The following BCL6B variants were observed in gnomAD, a reference collection of about 807,000 sequenced individuals.
The protein encoded by BCL6B is B-cell CLL/lymphoma 6 member B protein.
BCL6B carries 28 observed loss-of-function variants against 44.6 expected under a neutral mutation model. The observed-to-expected ratio is 0.63, with a 90% CI of 0.47 to 0.86. The LOEUF is 0.86. Ranked by LOEUF, BCL6B falls within the 40% of genes least tolerant of loss-of-function variation. The pLI is 0.00. For missense variants in BCL6B, 626 were observed against 652.3 expected (o/e 0.96, Z 0.44); for synonymous variants, 268 against 263.6 (o/e 1.02, Z -0.16).
rs529487939 is a variant in BCL6B, at chr17:7,023,841, T to G, written c.170T>G (p.Ile57Ser). 3 of 1,201,506 alleles carry G rather than the reference T, an allele frequency of 2.5e-6. No homozygotes were observed. Among genetic ancestry groups the G allele is most frequent in the Admixed American group, 1.9e-5 (1 of 52,660 alleles). 74.4% of individuals were successfully genotyped at this position (1,201,506 alleles called of 1,614,324 possible). The part of the protein sequence containing the change: ...QPLRAHKAVL[I>S]ACSGFFYSIF... ...CTCAGAGCACACAAGGCAGTTCTCA[T>G]CGCCTGCAGGTTCGAGGGGTGGGGC... is the stretch of plus-strand genomic sequence containing the variant. The change falls in exon 2 of 9, where the codon ATC (isoleucine) becomes AGC (serine). Residue 57 changes from isoleucine (I) to serine (S), a missense_variant. Ile to Ser is a moderately radical substitution (Grantham distance 142). Coordinates refer to ENST00000293805, the MANE Select transcript of BCL6B (RefSeq NM_181844.4).
chr17:7,023,261 C>G, intron 1 of BCL6B, 162 bp downstream of exon 1: 1 of 195,046 alleles, frequency 5.1e-6, no homozygotes, highest in Non-Finnish European at 1.1e-5. Flanking sequence ...GGGAAGGGAG[C>G]CTCGGCTGGG....
At position 7,024,242 on chromosome 17, in the gene BCL6B, G is replaced by A; in HGVS notation, c.339G>A (p.Ala113=). ...LSPATAPAVL[A]AATYLQMEHV... ...CAGCCACTGCACCAGCAGTCCTAGC[G>A]GCCGCCACCTATTTGCAGATGGAGC... is the stretch of plus-strand genomic sequence containing the variant. The change falls in exon 3 of 9, where the codon GCG becomes GCA. Residue 113 remains alanine (A), a synonymous_variant. Transcript: ENST00000293805. This position sits in a 1 kb window ranked among gnomAD's most constrained non-coding sequence, Gnocchi z 6.6. 1.2e-6 allele frequency: 2 copies of A among 1,613,734 alleles called. No homozygotes were observed. Among genetic ancestry groups the A allele is most frequent in the Non-Finnish European group, 8.5e-7 (1 of 1,180,022 alleles).
Position 7,027,591 on chromosome 17 carries a change from T to G in BCL6B, c.1412T>G (p.Val471Gly). Reference protein sequence around the residue: ...QKHGAATNTKVHYHILGGP With the variant: ...QKHGAATNTKGHYHILGGP ...CACGGAGCTGCTACCAACACCAAAGTGCACTACCACATTCTCGGGGGGCCC... is the reference window on the plus strand; with the variant it reads ...CACGGAGCTGCTACCAACACCAAAGGGCACTACCACATTCTCGGGGGGCCC... Residue 471 changes from valine to glycine, a missense_variant, in exon 9 of 9, where the codon GTG becomes GGG. Physicochemically the swap from Val to Gly is moderately radical, Grantham distance 109 (BLOSUM62 -3). Transcript: ENST00000293805. 5 of 1,613,484 alleles carry G rather than the reference T, an allele frequency of 3.1e-6. No individual in the cohort carries two copies. The South Asian group carries it at 5.5e-5, about 18-fold the overall frequency.
At chr17:7,027,407 A>G in intron 8 of BCL6B, 96 bp from the exon 9 acceptor site, 4 of 1,389,908 alleles carry the variant, frequency 2.9e-6, no homozygotes, top group Non-Finnish European at 4.0e-6. Flanking sequence ...CTTCCGCTGG[A>G]TAGTTCCCAC....
Position 7,027,600 on chromosome 17 carries a change from A to G in BCL6B, c.1421A>G (p.His474Arg). Residue 474 changes from histidine (H) to arginine (R), a missense_variant, in exon 9 of 9, where the codon CAC (histidine) becomes CGC (arginine). Coordinates refer to ENST00000293805, the MANE Select transcript of BCL6B (RefSeq NM_181844.4). ...GAATNTKVHY[H>R]ILGGP The stretch of plus-strand genomic sequence containing the variant: ...GCTACCAACACCAAAGTGCACTACC[A>G]CATTCTCGGGGGGCCCTAGCTGAGC... 1 of 1,612,428 alleles carries G rather than the reference A, an allele frequency of 6.2e-7. No individual in the cohort carries two copies. The highest frequency in any genetic ancestry group is 1.1e-5 in the South Asian group (1 of 91,038).
Position 7,024,257 on chromosome 17 carries a change from G to A in BCL6B, c.354G>A (p.Leu118=). The A allele has an allele frequency of 5.6e-6, 9 of 1,613,654 alleles. No homozygotes were observed. Among genetic ancestry groups the A allele is most frequent in the Non-Finnish European group, 7.6e-6 (9 of 1,180,024 alleles). ...APAVLAAATY[L]QMEHVVQACH... ...CAGTCCTAGCGGCCGCCACCTATTT[G>A]CAGATGGAGCACGTGGTCCAGGCAT... Residue 118 remains leucine, a synonymous_variant, in exon 3 of 9, where the codon TTG becomes TTA. Coordinates refer to ENST00000293805, the MANE Select transcript of BCL6B (RefSeq NM_181844.4). This position sits in a 1 kb window ranked among gnomAD's most constrained non-coding sequence, Gnocchi z 6.6.
chr17:7,026,858 G>A, intron 7 of BCL6B, 23 bp downstream of exon 7: 1 of 1,612,718 alleles, frequency 6.2e-7, no homozygotes, highest in South Asian at 1.1e-5. Flanking sequence ...CCTCCAAGTG[G>A]CTTCCAAGGC....
chr17:7,028,322 CTGGATG>C lies in BCL6B; in HGVS notation c.*705_*710del, dbSNP rs908600270. 40 of 972,002 alleles carry C rather than the reference CTGGATG, an allele frequency of 4.1e-5. No homozygotes were observed. Among genetic ancestry groups the C allele is most frequent in the Admixed American group, 6.8e-5 (1 of 14,630 alleles). The allele number at this position is 972,002 out of a possible 1,614,324, so 60.2% of individuals were successfully genotyped here. A position where few individuals can be genotyped will look rare whatever the true frequency, so the allele number is the denominator to read the frequency against. ...TGGGTCAGGAACCCTCTCTGGTATTCTGGATGTTGTAGGTTCTCTAGCAGTCTAGAA... is the reference window on the plus strand; with the variant it reads ...TGGGTCAGGAACCCTCTCTGGTATTCTTGTAGGTTCTCTAGCAGTCTAGAA... On this transcript the variant is annotated 3_prime_UTR_variant, in exon 9 of 9. Transcript: ENST00000293805.
Position 7,028,312 on chromosome 17 carries a change from C to T in BCL6B, c.*693C>T, listed in dbSNP as rs1910357757. On this transcript the variant is annotated 3_prime_UTR_variant, in exon 9 of 9. Coordinates refer to ENST00000293805, the MANE Select transcript of BCL6B (RefSeq NM_181844.4). ...ATTGTGGAATTGGGTCAGGAACCCTCTCTGGTATTCTGGATGTTGTAGGTT... is the reference window on the plus strand; with the variant it reads ...ATTGTGGAATTGGGTCAGGAACCCTTTCTGGTATTCTGGATGTTGTAGGTT... 2 of 985,422 alleles carry T rather than the reference C, an allele frequency of 2.0e-6. No individual in the cohort carries two copies. Among genetic ancestry groups the T allele is most frequent in the South Asian group, 4.7e-5 (1 of 21,288 alleles). 61.0% of individuals were successfully genotyped at this position (985,422 alleles called of 1,614,324 possible). A position where few individuals can be genotyped will look rare whatever the true frequency, so the allele number is the denominator to read the frequency against.
chr17:7,027,937 A>G lies in BCL6B; in HGVS notation c.*318A>G, dbSNP rs1228140584. ...GCCCTCCACCTGTGGCCCCCATTGC[A>G]TTCAGTTTATCTGTAAATATAATTT... On this transcript the variant is annotated 3_prime_UTR_variant, in exon 9 of 9. Transcript: ENST00000293805. 8.8e-7 allele frequency: 1 copy of G among 1,139,292 alleles called. No homozygotes were observed. The highest frequency in any genetic ancestry group is 1.6e-5 in the African/African-American group (1 of 61,868). The allele number at this position is 1,139,292 out of a possible 1,614,324, so 70.6% of individuals were successfully genotyped here. A position where few individuals can be genotyped will look rare whatever the true frequency, so the allele number is the denominator to read the frequency against.
chr17:7,023,841 T>A lies in BCL6B; in HGVS notation c.170T>A (p.Ile57Asn), dbSNP rs529487939. 8.3e-7 allele frequency: 1 copy of A among 1,201,508 alleles called. No individual in the cohort carries two copies. The highest frequency in any genetic ancestry group is 1.9e-5 in the Admixed American group (1 of 52,660). The allele number at this position is 1,201,508 out of a possible 1,614,324, so 74.4% of individuals were successfully genotyped here. A position where few individuals can be genotyped will look rare whatever the true frequency, so the allele number is the denominator to read the frequency against. The change falls in exon 2 of 9, where the codon ATC becomes AAC. Residue 57 changes from isoleucine (I) to asparagine (N), a missense_variant. By Grantham distance (149) the Ile-to-Asn change is moderately radical (BLOSUM62 -3). Coordinates refer to ENST00000293805, the MANE Select transcript of BCL6B (RefSeq NM_181844.4). ...QPLRAHKAVL[I>N]ACSGFFYSIF... ...CTCAGAGCACACAAGGCAGTTCTCA[T>A]CGCCTGCAGGTTCGAGGGGTGGGGC... is the stretch of plus-strand genomic sequence containing the variant.
Position 7,024,287 on chromosome 17 carries a change from CCGCTT to C in BCL6B, c.386_390del (p.Arg129HisfsTer6). ...TGGAGCACGTGGTCCAGGCATGCCA[CCGCTT>C]CATCCAGGCCAGGTGAGGGACCCTG... On this transcript the variant is annotated frameshift_variant, in exon 3 of 9. Coordinates refer to ENST00000293805, the MANE Select transcript of BCL6B (RefSeq NM_181844.4). LOFTEE classifies it high-confidence loss of function. The surrounding 1 kb of genome is among the most constrained non-coding windows in gnomAD (Gnocchi z 6.6). 6.2e-7 allele frequency: 1 copy of C among 1,613,724 alleles called. No homozygotes were observed. Among genetic ancestry groups the C allele is most frequent in the Non-Finnish European group, 8.5e-7 (1 of 1,180,022 alleles).
rs993960573 is a variant in BCL6B at position 7,026,373 on chromosome 17, G to A, written c.890-84G>A. On this transcript the variant is annotated intron_variant, in intron 5 of 8. Transcript: ENST00000293805. ...CAATAAATTGGGAAACAGAAAGCCT[G>A]CTACTGTGTGGTTTGAGGATTCAGT... The A allele has an allele frequency of 4.0e-6, 6 of 1,502,066 alleles. No individual in the cohort carries two copies. The African/African-American group carries it at 5.6e-5, about 14-fold the overall frequency. 93.0% of individuals were successfully genotyped at this position (1,502,066 alleles called of 1,614,324 possible).
Position 7,023,652 on chromosome 17 carries a change from C to T in BCL6B, c.-12-8C>T. The T allele has an allele frequency of 1.2e-6, 2 of 1,601,994 alleles. No homozygotes were observed. Among genetic ancestry groups the T allele is most frequent in the African/African-American group, 1.3e-5 (1 of 74,722 alleles). The stretch of plus-strand genomic sequence containing the variant: ...CTGGATCCAGAGCACTTTCCACGGC[C>T]TCTACAGGCCTGTGTCGCTATGGGT... On this transcript the variant is annotated splice_polypyrimidine_tract_variant and splice_region_variant and intron_variant, in intron 1 of 8. Transcript: ENST00000293805.
Position 7,027,893 on chromosome 17 carries a change from T to C in BCL6B, c.*274T>C. On this transcript the variant is annotated 3_prime_UTR_variant, in exon 9 of 9. Coordinates refer to ENST00000293805, the MANE Select transcript of BCL6B (RefSeq NM_181844.4). ...TGGGAAAGGGGAGAGATTGGAGTCC[T>C]GGTCTCCCTAAGGGAATAGCCCTCC... is the stretch of plus-strand genomic sequence containing the variant. 3.8e-6 allele frequency: 5 copies of C among 1,329,406 alleles called. No individual in the cohort carries two copies. Among genetic ancestry groups the C allele is most frequent in the Non-Finnish European group, 4.8e-6 (5 of 1,034,480 alleles). The allele number at this position is 1,329,406 out of a possible 1,614,324, so 82.4% of individuals were successfully genotyped here.
chr17:7,026,443 A>T lies in BCL6B; in HGVS notation c.890-14A>T. The T allele has an allele frequency of 6.2e-7, 1 of 1,613,380 alleles. No homozygotes were observed. Among genetic ancestry groups the T allele is most frequent in the Non-Finnish European group, 8.5e-7 (1 of 1,179,528 alleles). ...TTAATAACTATGGTTGCCGTCACCC[A>T]TTCCCCTTCCCAGGAAGTGAATTTT... On this transcript the variant is annotated splice_polypyrimidine_tract_variant and intron_variant, in intron 5 of 8. Coordinates refer to ENST00000293805, the MANE Select transcript of BCL6B (RefSeq NM_181844.4).
At position 7,028,781 on chromosome 17, in the gene BCL6B, A is replaced by T. The variant is rs952509952; in HGVS notation, c.*1162A>T. On this transcript the variant is annotated 3_prime_UTR_variant, in exon 9 of 9. Coordinates refer to ENST00000293805, the MANE Select transcript of BCL6B (RefSeq NM_181844.4). Reference sequence around the variant, plus strand: ...TCATGAAACTCTTTAGCTTGATTAGATGGTAAACAGTGTTAACCCATCCTT... The same window carrying T: ...TCATGAAACTCTTTAGCTTGATTAGTTGGTAAACAGTGTTAACCCATCCTT... 1.3e-4 allele frequency: 124 copies of T among 985,336 alleles called. No homozygotes were observed. Among genetic ancestry groups the T allele is most frequent in the Non-Finnish European group, 1.5e-4 (121 of 829,950 alleles). The allele number at this position is 985,336 out of a possible 1,614,324, so 61.0% of individuals were successfully genotyped here.
rs2151665343 is a variant in BCL6B at position 7,029,193 on chromosome 17, G to A, written c.*1574G>A. ...TTCAAGTAGGATTAAGAGGTTGGTT[G>A]AGGGGTGCAGTTTCTGGTGTAGGCC... On this transcript the variant is annotated 3_prime_UTR_variant, in exon 9 of 9. Transcript: ENST00000293805. 2 of 985,908 alleles carry A rather than the reference G, an allele frequency of 2.0e-6. No homozygotes were observed. The highest frequency in any genetic ancestry group is 4.7e-5 in the South Asian group (1 of 21,308). 61.1% of individuals were successfully genotyped at this position (985,908 alleles called of 1,614,324 possible). A position where few individuals can be genotyped will look rare whatever the true frequency, so the allele number is the denominator to read the frequency against.
In BCL6B at chr17:7,029,426, T is replaced by C. The variant is rs1413431865; in HGVS notation, c.*1807T>C. 2.0e-6 allele frequency: 2 copies of C among 1,021,188 alleles called. No homozygotes were observed. Among genetic ancestry groups the C allele is most frequent in the African/African-American group, 3.5e-5 (2 of 57,816 alleles). The allele number at this position is 1,021,188 out of a possible 1,614,324, so 63.3% of individuals were successfully genotyped here. A position where few individuals can be genotyped will look rare whatever the true frequency, so the allele number is the denominator to read the frequency against. On this transcript the variant is annotated 3_prime_UTR_variant, in exon 9 of 9. Transcript: ENST00000293805. ...TAAGTCAGTTCTAGTGGCTGTCGCC[T>C]GGGGACTAGTGAGAAAGCTACTCTT...
Sources: allele counts gnomAD v4.1 joint callset, GRCh38; gene constraint gnomAD v4.1.1; non-coding constraint Gnocchi (gnomAD v3.1); transcripts MANE v1.5; gene names NCBI Gene and HGNC (gene_info 2026-07-23, HGNC 2026-07-21).